The following BRCA2 variants were observed in gnomAD, a reference collection of about 807,000 sequenced individuals.
The protein encoded by BRCA2 is breast cancer type 2 susceptibility protein.
In BRCA2, 203 loss-of-function variants were observed where a neutral mutation model predicts 276.7. The observed-to-expected ratio is 0.73, with a 90% CI of 0.65 to 0.82. BRCA2 has a LOEUF of 0.82. BRCA2 is among the 40% of genes least tolerant of loss of function. BRCA2 has a pLI of 0.00. For missense variants in BRCA2, 3,920 were observed against 3,915.0 expected (o/e 1.00, Z -0.03); for synonymous variants, 1,289 against 1,338.4 (o/e 0.96, Z 0.81).
At position 32,338,439 on chromosome 13, in the gene BRCA2, CA is replaced by C. The variant is rs431825315; in HGVS notation, c.4085del (p.His1362ProfsTer12). On this transcript the variant is annotated frameshift_variant, in exon 11 of 27. Coordinates refer to ENST00000380152, the MANE Select transcript of BRCA2 (RefSeq NM_000059.4). LOFTEE classifies it high-confidence loss of function. ...DETDLLFTDQ[H>X]NICLKLSGQF... ...AACGGACTTGCTATTTACTGATCAG[CA>C]CAACATATGTCTTAAATTATCTGGC... 1 of 1,611,472 alleles carries C rather than the reference CA, an allele frequency of 6.2e-7. No individual in the cohort carries two copies. The highest frequency in any genetic ancestry group is 8.5e-7 in the Non-Finnish European group (1 of 1,179,226).
At position 32,337,958 on chromosome 13, in the gene BRCA2, C is replaced by G. The variant is rs2137498251; in HGVS notation, c.3603C>G (p.Asn1201Lys). 1 of 1,613,952 alleles carries G rather than the reference C, an allele frequency of 6.2e-7. No homozygotes were observed. Among genetic ancestry groups the G allele is most frequent in the South Asian group, 1.1e-5 (1 of 91,076 alleles). ...KFAGLLKNDC[N>K]KSASGYLTDE... The stretch of plus-strand genomic sequence containing the variant: ...CTGGCCTGTTGAAAAATGACTGTAA[C>G]AAAAGTGCTTCTGGTTATTTAACAG... Residue 1201 changes from asparagine (N) to lysine (K), a missense_variant, in exon 11 of 27, where the codon AAC becomes AAG. By Grantham distance (94) the Asn-to-Lys change is moderately conservative. Transcript: ENST00000380152.
Position 32,338,933 on chromosome 13 carries a change from A to C in BRCA2, c.4578A>C (p.Thr1526=), listed in dbSNP as rs202022822. Residue 1526 remains threonine (T), a synonymous_variant, in exon 11 of 27, where the codon ACA becomes ACC. Coordinates refer to ENST00000380152, the MANE Select transcript of BRCA2 (RefSeq NM_000059.4). ...IKEPTLLGFH[T]ASGKKVKIAK... Reference sequence around the variant, plus strand: ...AACCTACTCTATTGGGTTTTCATACAGCTAGCGGGAAAAAAGTTAAAATTG... The same window carrying C: ...AACCTACTCTATTGGGTTTTCATACCGCTAGCGGGAAAAAAGTTAAAATTG... 1 of 1,613,942 alleles carries C rather than the reference A, an allele frequency of 6.2e-7. No individual in the cohort carries two copies. Among genetic ancestry groups the C allele is most frequent in the Admixed American group, 1.7e-5 (1 of 60,000 alleles).
Position 32,338,656 on chromosome 13 carries a change from A to T in BRCA2, c.4301A>T (p.Lys1434Ile), listed in dbSNP as rs397507714. Residue 1434 changes from lysine (K) to isoleucine (I), a missense_variant, in exon 11 of 27, where the codon AAA becomes ATA. Around this residue, in one of 2 missense-constraint regions of BRCA2, gnomAD observed 3,263 missense variants for 3,156.9 expected, o/e 1.03. Transcript: ENST00000380152. The part of the protein sequence containing the change: ...SDTFFQTASG[K>I]NISVAKESFN... ...ACATTTTTTCAGACTGCAAGTGGGA[A>T]AAATATTAGTGTCGCCAAAGAGTCA... 25 of 1,596,866 alleles carry T rather than the reference A, an allele frequency of 1.6e-5. No homozygotes were observed. The highest frequency in any genetic ancestry group is 2.1e-5 in the Non-Finnish European group (25 of 1,169,398).
intron 10 of BRCA2, among the ~76,000 whole-genome samples, chr13:32,335,238 G>A (rs529813772): frequency 1.3e-3 from 200 of 151,884 alleles, no homozygotes; most frequent in African/African-American, 4.7e-3. Context: ...CCAGCTACTC[G>A]GGACGCTAAG....
rs1409190635 is a variant in BRCA2 at position 32,356,489 on chromosome 13, A to G, written c.7497A>G (p.Gln2499=). ...DIQDMRIKKK[Q]RQRVFPQPGS... Reference sequence around the variant, plus strand: ...AGGATATGCGAATTAAGAAGAAACAAAGGCAACGCGTCTTTCCACAGCCAG... The same window carrying G: ...AGGATATGCGAATTAAGAAGAAACAGAGGCAACGCGTCTTTCCACAGCCAG... Residue 2499 remains glutamine (Q), a synonymous_variant, in exon 15 of 27, where the codon CAA becomes CAG. Transcript: ENST00000380152. 2 of 1,614,106 alleles carry G rather than the reference A, an allele frequency of 1.2e-6. No homozygotes were observed. The highest frequency in any genetic ancestry group is 2.7e-5 in the African/African-American group (2 of 74,942).
chr13:32,377,389 C>A (rs1046747572), intron 21 of BRCA2, among the ~76,000 whole-genome samples: 1 of 152,076 alleles, frequency 6.6e-6, no homozygotes, highest in Non-Finnish European at 1.5e-5. Context: ...GTCGGGAGTT[C>A]GTGACCAGCC....
At position 32,370,424 on chromosome 13, in the gene BRCA2, C is replaced by T. The variant is rs786202034; in HGVS notation, c.8354C>T (p.Pro2785Leu). The T allele has an allele frequency of 6.2e-7, 1 of 1,613,722 alleles. No individual in the cohort carries two copies. The highest frequency in any genetic ancestry group is 1.7e-5 in the Admixed American group (1 of 59,986). ...MLKISANSTR[P>L]ARWYTKLGFF... is the part of the protein sequence containing the mutation. ...CAGATTTCTGCTAACAGTACTCGGC[C>T]TGCTCGCTGGTATACCAAACTTGGA... The change falls in exon 19 of 27, where the codon CCT (proline) becomes CTT (leucine). Residue 2785 changes from proline (P) to leucine (L), a missense_variant. Coordinates refer to ENST00000380152, the MANE Select transcript of BRCA2 (RefSeq NM_000059.4).
chr13:32,351,280 G>C (rs1235617643), intron 13 of BRCA2, among the ~76,000 whole-genome samples: 1 of 149,904 alleles, frequency 6.7e-6, no homozygotes, highest in Non-Finnish European at 1.5e-5. Context: ...AACCCACCAG[G>C]AAGAAGAAAC....
rs2137518231 is a variant in BRCA2 at position 32,339,875 on chromosome 13, G to A, written c.5520G>A (p.Gly1840=). ...SISNSNNFEV[G]PPAFRIASGK... ...CTAATAGTAATAATTTTGAGGTAGGGCCACCTGCATTTAGGATAGCCAGTG... is the reference window on the plus strand; with the variant it reads ...CTAATAGTAATAATTTTGAGGTAGGACCACCTGCATTTAGGATAGCCAGTG... The change falls in exon 11 of 27, where the codon GGG becomes GGA. Residue 1840 remains glycine, a synonymous_variant. Transcript: ENST00000380152. 1 of 1,612,338 alleles carries A rather than the reference G, an allele frequency of 6.2e-7. No individual in the cohort carries two copies. Among genetic ancestry groups the A allele is most frequent in the Non-Finnish European group, 8.5e-7 (1 of 1,179,024 alleles).
intron 1 of BRCA2, 78 bp from the exon 2 acceptor site, chr13:32,316,344 G>A: frequency 1.1e-6 from 1 of 907,860 alleles, no homozygotes; most frequent in East Asian, 2.6e-5. Context: ...AAATTTTCCA[G>A]CGCTTCTGAG....
chr13:32,334,504 C>T (rs2072433589), intron 10 of BRCA2, among the ~76,000 whole-genome samples: 1 of 151,592 alleles, frequency 6.6e-6, no homozygotes, highest in African/African-American at 2.4e-5. Flanking sequence ...AGCGAGACCC[C>T]ATCTCTACAA....
In BRCA2 at chr13:32,394,933, G is replaced by C. The variant is rs80359808; in HGVS notation, c.9501G>C (p.Glu3167Asp). 6.2e-7 allele frequency: 1 copy of C among 1,613,782 alleles called. No homozygotes were observed. The highest frequency in any genetic ancestry group is 1.3e-5 in the African/African-American group (1 of 74,892). ...TCAACAAAATGAAAAATACTGTTGA[G>C]GTAAGGTTACTTTTCAGCATCACCA... The part of the protein sequence containing the change: ...ETFNKMKNTV[E>D]NIDILCNEAE... The change falls in exon 25 of 27, where the codon GAG becomes GAC. Residue 3167 changes from glutamate (E) to aspartate (D), a missense_variant and splice_region_variant. Physicochemically the swap from Glu to Asp is conservative, Grantham distance 45. Around this residue, in one of 2 missense-constraint regions of BRCA2, gnomAD observed 657 missense variants for 758.2 expected, o/e 0.87. Transcript: ENST00000380152.
At chr13:32,382,349 C>A (rs775383774) in intron 24 of BRCA2, among the ~76,000 whole-genome samples, 54 of 152,042 alleles carry the variant, frequency 3.6e-4, no homozygotes, top group Non-Finnish European at 1.8e-4. Flanking sequence ...CTGATTGAAG[C>A]CTTTTATACT....
intron 9 of BRCA2, among the ~76,000 whole-genome samples, 161 bp from the exon 10 acceptor site, chr13:32,332,111 C>T (rs1287511429): frequency 6.6e-6 from 1 of 151,906 alleles, no homozygotes; most frequent in Non-Finnish European, 1.5e-5. Context: ...GGGTGACTGA[C>T]CGAAAAATAA....
At chr13:32,321,956 C>A (rs552299724) in intron 3 of BRCA2, among the ~76,000 whole-genome samples, 78 of 151,788 alleles carry the variant, frequency 5.1e-4, no homozygotes, top group African/African-American at 1.9e-3. Context: ...TTTTAAATAG[C>A]CGAGTTTCTT....
rs80359047 is a variant in BRCA2, at chr13:32,363,274, C to T, written c.8072C>T (p.Ser2691Phe). Reference protein sequence around the residue: ...TAAKTLVLCVSDIISLSANIS... With the variant: ...TAAKTLVLCVFDIISLSANIS... ...GCAAAAACACTTGTTCTCTGTGTTTCTGACATAATTTCATTGAGCGCAAAT... is the reference window on the plus strand; with the variant it reads ...GCAAAAACACTTGTTCTCTGTGTTTTTGACATAATTTCATTGAGCGCAAAT... Residue 2691 changes from serine to phenylalanine, a missense_variant, in exon 18 of 27, where the codon TCT becomes TTT. Physicochemically the swap from Ser to Phe is radical, Grantham distance 155 (BLOSUM62 -2). Around this residue, in one of 2 missense-constraint regions of BRCA2, gnomAD observed 3,263 missense variants for 3,156.9 expected, o/e 1.03. Transcript: ENST00000380152. The T allele has an allele frequency of 6.2e-7, 1 of 1,614,062 alleles. No homozygotes were observed. The highest frequency in any genetic ancestry group is 8.5e-7 in the Non-Finnish European group (1 of 1,179,978).
rs2073042431 is a variant in BRCA2, at chr13:32,397,071, T to G, written c.9648+27T>G. 6.2e-7 allele frequency: 1 copy of G among 1,605,788 alleles called. No homozygotes were observed. The highest frequency in any genetic ancestry group is 1.1e-5 in the South Asian group (1 of 90,870). ...TAAGTTAATGTAAACTCAAGGAATA[T>G]TATAAGAAGTATATATGGAGGCCAT... On this transcript the variant is annotated intron_variant, in intron 26 of 26. Coordinates refer to ENST00000380152, the MANE Select transcript of BRCA2 (RefSeq NM_000059.4).
intron 24 of BRCA2, among the ~76,000 whole-genome samples, chr13:32,391,806 A>G (rs2072998987): frequency 6.6e-6 from 1 of 152,212 alleles, no homozygotes; most frequent in South Asian, 2.1e-4. Flanking sequence ...TCCAGTTGTT[A>G]TCAGTTGTAT....
intron 13 of BRCA2, among the ~76,000 whole-genome samples, chr13:32,351,966 TA>T (rs1459911405): frequency 6.6e-6 from 1 of 152,060 alleles, no homozygotes; most frequent in African/African-American, 2.4e-5. Flanking sequence ...CATGCCCGGC[TA>T]ATTTTTTGTA....
Sources: allele counts gnomAD v4.1 joint callset (sites outside exome capture counted in the v4.1 genomes callset), GRCh38; gene constraint gnomAD v4.1.1; regional missense constraint gnomAD v4.1.1; transcripts MANE v1.5; gene names NCBI Gene and HGNC (gene_info 2026-07-23, HGNC 2026-07-21).